CTNNA3: variants seen among roughly 807,000 people sequenced by gnomAD.
The protein encoded by CTNNA3 is catenin alpha-3.
CTNNA3 carries 76 observed loss-of-function variants against 95.7 expected under a neutral mutation model. The observed-to-expected ratio is 0.79, with a 90% CI of 0.66 to 0.96. The LOEUF (loss-of-function observed/expected upper bound fraction) is 0.96. CTNNA3 is among the 40% of genes least tolerant of loss of function. CTNNA3 has a pLI of 0.00. For synonymous variants in CTNNA3, 431 were observed against 374.4 expected (o/e 1.15, Z -1.74); for missense variants, 1,191 against 1,089.8 (o/e 1.09, Z -1.31).
chr10:67,372,991 A>G (rs1312642130), intron 5 of CTNNA3, among the ~76,000 whole-genome samples: 1 of 152,234 alleles, frequency 6.6e-6, no homozygotes, highest in Non-Finnish European at 1.5e-5. Context: ...AAACATGGAA[A>G]GGAACAACCG....
chr10:66,714,462 T>G (rs761279632), intron 9 of CTNNA3, among the ~76,000 whole-genome samples: 3 of 152,156 alleles, frequency 2.0e-5, no homozygotes, highest in Non-Finnish European at 4.4e-5. Flanking sequence ...AGGTACTGTT[T>G]CTCAAAACTC....
At chr10:66,469,166 C>A (rs1039293974) in intron 11 of CTNNA3, among the ~76,000 whole-genome samples, 2 of 151,786 alleles carry the variant, frequency 1.3e-5, no homozygotes, top group Non-Finnish European at 2.9e-5. Flanking sequence ...AGTCTCTGAC[C>A]TTTTGGGGCT....
chr10:66,927,174 G>A lies in CTNNA3; in HGVS notation c.1048-151650C>T. The A allele has an allele frequency of 6.2e-7, 1 of 1,614,128 alleles. No individual in the cohort carries two copies. The highest frequency in any genetic ancestry group is 8.5e-7 in the Non-Finnish European group (1 of 1,180,022). On this transcript the variant is annotated intron_variant, in intron 7 of 17. Coordinates refer to ENST00000433211, the MANE Select transcript of CTNNA3 (RefSeq NM_013266.4). This position sits in a 1 kb window ranked among gnomAD's most constrained non-coding sequence, Gnocchi z 4.7. ...ATAATCAATTTAAAGGGCTCAACCA[G>A]CTCACCTGGCTATACCTTGACCATA... is the stretch of plus-strand genomic sequence containing the variant.
chr10:67,075,549 T>C (rs1466625984), intron 7 of CTNNA3, among the ~76,000 whole-genome samples: 1 of 152,224 alleles, frequency 6.6e-6, no homozygotes, highest in African/African-American at 2.4e-5. Context: ...TACTTGCAGT[T>C]CTGCCAATGT....
intron 5 of CTNNA3, among the ~76,000 whole-genome samples, chr10:67,475,121 C>T (rs967505850): frequency 2.6e-5 from 4 of 152,176 alleles, no homozygotes; most frequent in Non-Finnish European, 4.4e-5. Context: ...ATACAAACAA[C>T]TGGATGAATC....
At chr10:67,723,703 T>C (rs947142225) in intron 1 of CTNNA3, among the ~76,000 whole-genome samples, 2 of 152,164 alleles carry the variant, frequency 1.3e-5, no homozygotes, top group Non-Finnish European at 2.9e-5. Flanking sequence ...TAAAGTATCC[T>C]CTGTATCAGA....
At chr10:67,277,489 A>G (rs1191174034) in intron 5 of CTNNA3, among the ~76,000 whole-genome samples, 2 of 152,164 alleles carry the variant, frequency 1.3e-5, no homozygotes, top group East Asian at 3.9e-4. Flanking sequence ...GCAGCATGGT[A>G]GTGTCAGAGG....
Position 65,919,999 on chromosome 10 carries a change from T to A in CTNNA3, c.*331A>T, listed in dbSNP as rs2077057270. The A allele has an allele frequency of 3.8e-6, 1 of 264,244 alleles. No homozygotes were observed. The highest frequency in any genetic ancestry group is 7.3e-6 in the Non-Finnish European group (1 of 137,660). 16.4% of individuals were successfully genotyped at this position (264,244 alleles called of 1,614,324 possible). On this transcript the variant is annotated 3_prime_UTR_variant, in exon 18 of 18. Coordinates refer to ENST00000433211, the MANE Select transcript of CTNNA3 (RefSeq NM_013266.4). ...AGGATGATAAGTGTACATGAAGTATTACAGATAAACAGGACTCTCTGGCCT... is the reference window on the plus strand; with the variant it reads ...AGGATGATAAGTGTACATGAAGTATAACAGATAAACAGGACTCTCTGGCCT...
chr10:67,503,404 T>G (rs1056261473), intron 5 of CTNNA3, among the ~76,000 whole-genome samples: 5 of 152,214 alleles, frequency 3.3e-5, no homozygotes, highest in Admixed American at 2.0e-4. Flanking sequence ...ACCACAGCTG[T>G]TCCTATTCGG....
chr10:66,635,758 G>C (rs1845311390), intron 9 of CTNNA3, among the ~76,000 whole-genome samples: 1 of 152,018 alleles, frequency 6.6e-6, no homozygotes, highest in South Asian at 2.1e-4. Flanking sequence ...ACAAAAGAAC[G>C]GGTCTCTTAG....
chr10:66,314,502 C>A (rs1051642613), intron 12 of CTNNA3, among the ~76,000 whole-genome samples: 1 of 151,998 alleles, frequency 6.6e-6, no homozygotes, highest in Non-Finnish European at 1.5e-5. Flanking sequence ...TCCTTTTCTT[C>A]TTCTCTTCCC....
intron 12 of CTNNA3, among the ~76,000 whole-genome samples, chr10:66,335,503 C>G (rs1269561852): frequency 2.0e-5 from 3 of 152,044 alleles, no homozygotes; most frequent in Non-Finnish European, 2.9e-5. Flanking sequence ...CACTCCAGAC[C>G]CTCTTTGCCT....
At chr10:66,304,123 G>T (rs1005452483) in intron 12 of CTNNA3, among the ~76,000 whole-genome samples, 2 of 152,096 alleles carry the variant, frequency 1.3e-5, no homozygotes, top group African/African-American at 4.8e-5. Flanking sequence ...GAAATAAAGA[G>T]ATAGGACAAA....
chr10:67,729,825 A>G (rs1282713567), intron 1 of CTNNA3, among the ~76,000 whole-genome samples: 1 of 152,162 alleles, frequency 6.6e-6, no homozygotes, highest in Non-Finnish European at 1.5e-5. Context: ...TGAAATGTCC[A>G]CTTTAAAATA....
At chr10:66,620,658 A>G (rs1844713029) in intron 10 of CTNNA3, among the ~76,000 whole-genome samples, 1 of 152,186 alleles carries the variant, frequency 6.6e-6, no homozygotes, top group Non-Finnish European at 1.5e-5. Flanking sequence ...AGTTTCATAG[A>G]AAATTGACAT....
intron 7 of CTNNA3, among the ~76,000 whole-genome samples, chr10:66,780,612 A>C (rs1460684318): frequency 1.4e-4 from 21 of 152,186 alleles, no homozygotes; most frequent in Admixed American, 1.4e-3. Flanking sequence ...TAAAGAGCTC[A>C]TTTCATTAGT....
intron 7 of CTNNA3, among the ~76,000 whole-genome samples, chr10:67,119,453 A>T (rs899380663): frequency 6.6e-6 from 1 of 151,992 alleles, no homozygotes; most frequent in African/African-American, 2.4e-5. Context: ...ACTTGCAGCG[A>T]AAAGCAAATT....
intron 1 of CTNNA3, among the ~76,000 whole-genome samples, chr10:67,684,329 G>A (rs1840687408): frequency 6.6e-6 from 1 of 152,048 alleles, no homozygotes; most frequent in Admixed American, 6.6e-5. Context: ...GTGCTGATTG[G>A]TGCATTTACA....
chr10:66,580,985 G>A (rs767057820), intron 10 of CTNNA3, among the ~76,000 whole-genome samples: 10 of 151,756 alleles, frequency 6.6e-5, no homozygotes, highest in Non-Finnish European at 1.3e-4. Context: ...ACTTATAAGA[G>A]AGAACCTTCA....
Sources: gnomAD v4.1 joint callset for allele counts (sites outside exome capture counted in the v4.1 genomes callset) on GRCh38, gnomAD v4.1.1 for gene constraint, Gnocchi (gnomAD v3.1) non-coding constraint, MANE v1.5 for transcripts, NCBI Gene and HGNC (gene_info 2026-07-23, HGNC 2026-07-21) for gene names.